Variants in KIAA0319 observed in about 807,000 individuals in gnomAD.
KIAA0319 encodes the protein KIAA0319.
A neutral mutation model predicts 108.4 loss-of-function variants in KIAA0319; 83 were observed. That is an observed-to-expected ratio of 0.77 (90% CI 0.64 to 0.92). The LOEUF (loss-of-function observed/expected upper bound fraction) is 0.92. Among genes scored for constraint, KIAA0319 ranks in the 40% least tolerant of loss-of-function variants. The pLI is 0.00. For missense variants in KIAA0319, 1,195 were observed against 1,322.4 expected (o/e 0.90, Z 1.49); for synonymous variants, 484 against 510.4 (o/e 0.95, Z 0.70).
At chr6:24,586,309 T>TTTG in intron 4 of KIAA0319, among the ~76,000 whole-genome samples, 1 of 152,154 alleles carries the variant, frequency 6.6e-6, no homozygotes, top group African/African-American at 2.4e-5. Context: ...GAGCTGTGTT[T>TTTG]TTTGTTTGTT....
At chr6:24,608,209 A>AAAAT (rs954845301) in intron 1 of KIAA0319, among the ~76,000 whole-genome samples, 7 of 152,062 alleles carry the variant, frequency 4.6e-5, no homozygotes, top group Admixed American at 6.5e-5. Context: ...TACTGAGGAA[A>AAAAT]AAATAAATAA....
chr6:24,547,037 G>T lies in KIAA0319; in HGVS notation c.*128C>A. 1 of 953,988 alleles carries T rather than the reference G, an allele frequency of 1.0e-6. No individual in the cohort carries two copies. The highest frequency in any genetic ancestry group is 1.6e-6 in the Non-Finnish European group (1 of 627,680). 59.1% of individuals were successfully genotyped at this position (953,988 alleles called of 1,614,324 possible). On this transcript the variant is annotated 3_prime_UTR_variant, in exon 21 of 21. Transcript: ENST00000378214. ...CAAAAACCGGTCTTTTAGTACGTGG[G>T]GATACACATCTAACCCACTGGGGAA... is the stretch of plus-strand genomic sequence containing the variant.
chr6:24,634,227 A>C (rs980085087), intron 1 of KIAA0319, among the ~76,000 whole-genome samples: 11 of 152,234 alleles, frequency 7.2e-5, no homozygotes, highest in African/African-American at 2.7e-4. Flanking sequence ...TGGCAGACTA[A>C]CATATGGAGC....
chr6:24,599,450 C>A lies in KIAA0319; in HGVS notation c.55+1599G>T. The A allele has an allele frequency of 1.8e-6, 1 of 553,646 alleles. No homozygotes were observed. 34.3% of individuals were successfully genotyped at this position (553,646 alleles called of 1,614,324 possible). A position where few individuals can be genotyped will look rare whatever the true frequency, so the allele number is the denominator to read the frequency against. ...CCACCCTGCAGTGGGCCATGCAGGA[C>A]ATGGCATGGCAGCTGCATGAGTACC... On this transcript the variant is annotated intron_variant, in intron 2 of 20. Coordinates refer to ENST00000378214, the MANE Select transcript of KIAA0319 (RefSeq NM_014809.4). The surrounding 1 kb of genome is among the most constrained non-coding windows in gnomAD (Gnocchi z 4.1).
At chr6:24,589,146 T>C (rs1320526776) in intron 3 of KIAA0319, among the ~76,000 whole-genome samples, 1 of 152,182 alleles carries the variant, frequency 6.6e-6, no homozygotes, top group African/African-American at 2.4e-5. Flanking sequence ...TAACCCTCAA[T>C]GTGATAGTAT....
chr6:24,573,757 T>G (rs892122596), intron 10 of KIAA0319, among the ~76,000 whole-genome samples: 1 of 152,122 alleles, frequency 6.6e-6, no homozygotes, highest in African/African-American at 2.4e-5. Flanking sequence ...CAGAATTTAT[T>G]TGAGCTTTTT....
chr6:24,553,444 C>G (rs1272496869), intron 19 of KIAA0319, among the ~76,000 whole-genome samples: 1 of 151,340 alleles, frequency 6.6e-6, no homozygotes, highest in Non-Finnish European at 1.5e-5. Context: ...CCTCAGAAAA[C>G]AGAATCTCCC....
chr6:24,614,968 C>A (rs111835406), intron 1 of KIAA0319, among the ~76,000 whole-genome samples: 26 of 151,908 alleles, frequency 1.7e-4, no homozygotes, highest in African/African-American at 6.0e-4. Flanking sequence ...TCCCCAGGAA[C>A]TATAGGAGGG....
At chr6:24,587,781 G>T (rs1342850809) in intron 4 of KIAA0319, among the ~76,000 whole-genome samples, 5 of 151,752 alleles carry the variant, frequency 3.3e-5, no homozygotes, top group Admixed American at 2.0e-4. Context: ...GTAGAGATGG[G>T]GTTTCACCAT....
intron 3 of KIAA0319, among the ~76,000 whole-genome samples, 190 bp from the exon 4 acceptor site, chr6:24,588,975 A>G (rs1254764820): frequency 6.6e-6 from 1 of 152,178 alleles, no homozygotes; most frequent in Non-Finnish European, 1.5e-5. Flanking sequence ...TATTAGAAAC[A>G]TAAGGCAACT....
intron 3 of KIAA0319, among the ~76,000 whole-genome samples, chr6:24,594,141 G>A (rs1768993820): frequency 7.5e-6 from 1 of 133,832 alleles, no homozygotes; most frequent in African/African-American, 2.8e-5. Flanking sequence ...GGAGGTTGCA[G>A]TAAGCCAAGA....
intron 1 of KIAA0319, among the ~76,000 whole-genome samples, chr6:24,602,516 C>T (rs1770779840): frequency 6.6e-6 from 1 of 152,116 alleles, no homozygotes; most frequent in South Asian, 2.1e-4. Context: ...AATGCTGCAT[C>T]CTGGCCGGGT....
Position 24,566,632 on chromosome 6 carries a change from G to A in KIAA0319, c.2257C>T (p.Leu753=), listed in dbSNP as rs748042239. The change falls in exon 14 of 21, where the codon CTG becomes TTG. Residue 753 remains leucine (L), a synonymous_variant. Transcript: ENST00000378214. ...GGACTCTGGCCATCCCGGATCCACAGATAGGACACAATTCTTTGGTCATCA... is the reference window on the plus strand; with the variant it reads ...GGACTCTGGCCATCCCGGATCCACAAATAGGACACAATTCTTTGGTCATCA... ...STDDQRIVSY[L]WIRDGQSPAA... 17 of 1,612,604 alleles carry A rather than the reference G, an allele frequency of 1.1e-5. No individual in the cohort carries two copies. The highest frequency in any genetic ancestry group is 4.0e-5 in the African/African-American group (3 of 74,866).
At chr6:24,568,511 TG>T (rs1471063326) in intron 13 of KIAA0319, among the ~76,000 whole-genome samples, 1 of 152,224 alleles carries the variant, frequency 6.6e-6, no homozygotes, top group African/African-American at 2.4e-5. Flanking sequence ...CATTTGGACG[TG>T]GGTCTTTCAT....
At chr6:24,621,617 G>T (rs1047997294) in intron 1 of KIAA0319, among the ~76,000 whole-genome samples, 2 of 152,130 alleles carry the variant, frequency 1.3e-5, no homozygotes, top group East Asian at 3.8e-4. Flanking sequence ...TGGTCTTACT[G>T]GGGGGAAAAA....
chr6:24,630,433 C>T (rs373387717), intron 1 of KIAA0319, among the ~76,000 whole-genome samples: 70 of 143,574 alleles, frequency 4.9e-4, no homozygotes, highest in South Asian at 2.5e-3. Flanking sequence ...TGCTTGAACC[C>T]GGGAGGCGGA....
intron 11 of KIAA0319, among the ~76,000 whole-genome samples, chr6:24,570,663 G>A (rs1160534709): frequency 1.4e-5 from 2 of 147,612 alleles, no homozygotes; most frequent in Non-Finnish European, 3.0e-5. Flanking sequence ...AGGGTTGGGG[G>A]AGGAAGGAAA....
At chr6:24,605,060 C>T (rs1358581726) in intron 1 of KIAA0319, among the ~76,000 whole-genome samples, 2 of 151,588 alleles carry the variant, frequency 1.3e-5, no homozygotes, top group African/African-American at 2.4e-5. Context: ...AGGCTGGTCT[C>T]GATCTCCTGA....
At chr6:24,579,403 CTATATAAAGATA>C (rs1221810809) in intron 8 of KIAA0319, among the ~76,000 whole-genome samples, 2 of 105,252 alleles carry the variant, frequency 1.9e-5, no homozygotes, top group African/African-American at 9.6e-5. Flanking sequence ...GGGAGCTCCT[CTATATAAAGATA>C]TATATATATA....
Sources: gnomAD v4.1 joint callset for allele counts (sites outside exome capture counted in the v4.1 genomes callset) on GRCh38, gnomAD v4.1.1 for gene constraint, Gnocchi (gnomAD v3.1) non-coding constraint, MANE v1.5 for transcripts, NCBI Gene and HGNC (gene_info 2026-07-23, HGNC 2026-07-21) for gene names.